Variants in FGGY observed in about 807,000 individuals in gnomAD.
FGGY encodes FGGY carbohydrate kinase domain-containing protein.
In FGGY, 72 loss-of-function variants were observed where a neutral mutation model predicts 71.3. The observed-to-expected ratio is 1.01, with a 90% CI of 0.84 to 1.23. FGGY has a LOEUF of 1.23. Ranked by LOEUF, FGGY falls within the 50% of genes most tolerant of loss-of-function variation. The pLI is 0.00. For missense variants in FGGY, 668 were observed against 682.3 expected (o/e 0.98, Z 0.23); for synonymous variants, 251 against 250.3 (o/e 1.00, Z -0.02).
Position 59,462,816 on chromosome 1 carries a change from T to C in FGGY, c.670+5740T>C, listed in dbSNP as rs533515866. Among the ~76,000 whole-genome samples the C allele has an allele frequency of 6.9e-4, 105 of 152,028 alleles. No homozygotes were observed. The Middle Eastern group carries it at 0.017, about 25-fold the overall frequency. On this transcript the variant is annotated intron_variant, in intron 6 of 15. Coordinates refer to ENST00000303721, the MANE Select transcript of FGGY (RefSeq NM_018291.5). ...TAAAAAGTCAGGAAACAACAGGTGCTGGAGAGGATGTGGAGAAATAGGAAC... is the reference window on the plus strand; with the variant it reads ...TAAAAAGTCAGGAAACAACAGGTGCCGGAGAGGATGTGGAGAAATAGGAAC...
At chr1:59,463,053 C>T (rs2092363806) in intron 6 of FGGY, among the ~76,000 whole-genome samples, 1 of 152,122 alleles carries the variant, frequency 6.6e-6, no homozygotes, top group Non-Finnish European at 1.5e-5. Flanking sequence ...GACTTGGAAC[C>T]AACCCAAATG....
chr1:59,364,131 C>T (rs2056144598), intron 4 of FGGY, among the ~76,000 whole-genome samples: 1 of 152,110 alleles, frequency 6.6e-6, no homozygotes, highest in African/African-American at 2.4e-5. Flanking sequence ...GGAACAGATG[C>T]CAGGTTATCC....
At chr1:59,588,364 C>T (rs984829792) in intron 8 of FGGY, among the ~76,000 whole-genome samples, 5 of 152,116 alleles carry the variant, frequency 3.3e-5, no homozygotes, top group Admixed American at 2.0e-4. Context: ...AGTTGAAAAA[C>T]ACTCTGCAGG....
At chr1:59,313,951 A>G (rs1265600902) in intron 1 of FGGY, among the ~76,000 whole-genome samples, 1 of 151,556 alleles carries the variant, frequency 6.6e-6, no homozygotes, top group Non-Finnish European at 1.5e-5. Context: ...CCAAAAACCT[A>G]CGGAAATTTT....
At chr1:59,405,583 C>T (rs538285496) in intron 5 of FGGY, among the ~76,000 whole-genome samples, 2 of 152,066 alleles carry the variant, frequency 1.3e-5, no homozygotes, top group Non-Finnish European at 2.9e-5. Flanking sequence ...TAGTAAACAT[C>T]GAATGAGCAT....
chr1:59,676,490 A>C (rs1043072179), intron 14 of FGGY, among the ~76,000 whole-genome samples: 4 of 151,398 alleles, frequency 2.6e-5, no homozygotes, highest in Non-Finnish European at 4.4e-5. Context: ...AGGCTGCTAT[A>C]CTAGATACAT....
chr1:59,612,473 C>T (rs1406272874), intron 9 of FGGY, among the ~76,000 whole-genome samples: 5 of 152,124 alleles, frequency 3.3e-5, no homozygotes, highest in African/African-American at 1.2e-4. Context: ...ACCAGGCCTG[C>T]CCTAAAAGAG....
chr1:59,697,294 C>T (rs1219119930), intron 14 of FGGY, among the ~76,000 whole-genome samples: 2 of 152,142 alleles, frequency 1.3e-5, no homozygotes, highest in Non-Finnish European at 1.5e-5. Context: ...CATCCATCTC[C>T]GGAACTCTTT....
At chr1:59,358,130 C>T (rs1221485563) in intron 4 of FGGY, among the ~76,000 whole-genome samples, 2 of 152,192 alleles carry the variant, frequency 1.3e-5, no homozygotes, top group African/African-American at 2.4e-5. Context: ...AAACTGTCAA[C>T]TTGGAAATCT....
chr1:59,720,382 G>A (rs368651257), intron 14 of FGGY, among the ~76,000 whole-genome samples: 3 of 152,184 alleles, frequency 2.0e-5, no homozygotes, highest in South Asian at 2.1e-4. Flanking sequence ...CTACTTTGGT[G>A]GTTTGAAACT....
chr1:59,731,837 TC>T (rs1395977478), intron 14 of FGGY, among the ~76,000 whole-genome samples: 1 of 152,096 alleles, frequency 6.6e-6, no homozygotes, highest in Non-Finnish European at 1.5e-5. Flanking sequence ...CTGGCTCTGA[TC>T]CCCTGCTCCG....
chr1:59,657,200 G>A (rs910992419), intron 11 of FGGY, among the ~76,000 whole-genome samples: 1 of 152,036 alleles, frequency 6.6e-6, no homozygotes, highest in Non-Finnish European at 1.5e-5. Context: ...ATATTGTTAG[G>A]GGAATGCATC....
At chr1:59,698,293 A>G (rs2097679732) in intron 14 of FGGY, among the ~76,000 whole-genome samples, 1 of 152,104 alleles carries the variant, frequency 6.6e-6, no homozygotes, top group Non-Finnish European at 1.5e-5. Context: ...CACTGAGTAG[A>G]ACTCTATTAT....
intron 14 of FGGY, among the ~76,000 whole-genome samples, chr1:59,708,149 T>G (rs1418417210): frequency 1.3e-5 from 2 of 152,130 alleles, no homozygotes; most frequent in African/African-American, 4.8e-5. Flanking sequence ...GGACAAAAAG[T>G]CTTTGGGCTT....
At chr1:59,631,626 C>T (rs2096909341) in intron 10 of FGGY, among the ~76,000 whole-genome samples, 1 of 152,152 alleles carries the variant, frequency 6.6e-6, no homozygotes, top group Admixed American at 6.5e-5. Context: ...TTTCTGAAAA[C>T]AGCAATGCAG....
intron 7 of FGGY, among the ~76,000 whole-genome samples, chr1:59,514,328 G>T (rs1301152940): frequency 6.6e-6 from 1 of 152,162 alleles, no homozygotes; most frequent in African/African-American, 2.4e-5. Context: ...TTGAAGAGCC[G>T]CAGGCACTAC....
intron 5 of FGGY, among the ~76,000 whole-genome samples, chr1:59,438,080 G>A (rs1001891381): frequency 6.6e-6 from 1 of 152,170 alleles, no homozygotes; most frequent in Non-Finnish European, 1.5e-5. Flanking sequence ...TTTATTGAGG[G>A]CCAGTATATG....
intron 3 of FGGY, among the ~76,000 whole-genome samples, chr1:59,341,872 G>A (rs2050775134): frequency 6.6e-6 from 1 of 152,188 alleles, no homozygotes; most frequent in Non-Finnish European, 1.5e-5. Context: ...TAGATCAGAT[G>A]TCTCTTACTG....
intron 2 of FGGY, among the ~76,000 whole-genome samples, chr1:59,326,384 C>T (rs1036760039): frequency 2.6e-5 from 4 of 152,142 alleles, no homozygotes; most frequent in Non-Finnish European, 4.4e-5. Context: ...GAAAGAGTAG[C>T]CACATGTCGG....
Sources: gnomAD v4.1 joint callset for allele counts (sites outside exome capture counted in the v4.1 genomes callset) on GRCh38, gnomAD v4.1.1 for gene constraint, MANE v1.5 for transcripts, NCBI Gene and HGNC (gene_info 2026-07-23, HGNC 2026-07-21) for gene names.